KCNH7: variants seen among roughly 807,000 people sequenced by gnomAD.
KCNH7 encodes the protein potassium voltage-gated channel subfamily H member 7, also known as voltage-gated inwardly rectifying potassium channel KCNH7.
KCNH7 carries 49 observed loss-of-function variants against 120.8 expected under a neutral mutation model. The observed-to-expected ratio is 0.41, with a 90% CI of 0.32 to 0.51. The LOEUF is 0.51. KCNH7 is among the 20% of genes least tolerant of loss of function. KCNH7 has a pLI of 0.38. For missense variants in KCNH7, 1,097 were observed against 1,446.6 expected (o/e 0.76, Z 3.92); for synonymous variants, 547 against 516.1 (o/e 1.06, Z -0.81).
chr2:162,566,108 GA>G (rs1693241483), intron 2 of KCNH7, among the ~76,000 whole-genome samples: 1 of 151,906 alleles, frequency 6.6e-6, no homozygotes, highest in Non-Finnish European at 1.5e-5. Context: ...GTTTTCAAAA[GA>G]TATTCACCTA....
At chr2:162,741,591 C>A (rs1019013749) in intron 2 of KCNH7, among the ~76,000 whole-genome samples, 1 of 151,974 alleles carries the variant, frequency 6.6e-6, no homozygotes, top group Non-Finnish European at 1.5e-5. Flanking sequence ...TAGTCAACAG[C>A]CTGGTAATTG....
intron 2 of KCNH7, among the ~76,000 whole-genome samples, chr2:162,589,999 T>C (rs936900860): frequency 6.6e-6 from 1 of 151,954 alleles, no homozygotes; most frequent in African/African-American, 2.4e-5. Context: ...AAACCATGCA[T>C]GGTATATGGA....
At chr2:162,819,348 G>C (rs1239514535) in intron 2 of KCNH7, among the ~76,000 whole-genome samples, 2 of 151,980 alleles carry the variant, frequency 1.3e-5, no homozygotes, top group Non-Finnish European at 2.9e-5. Flanking sequence ...AATTCAAATG[G>C]CCCAGCAAAA....
intron 2 of KCNH7, among the ~76,000 whole-genome samples, chr2:162,636,654 C>T (rs1198952997): frequency 6.6e-6 from 1 of 152,046 alleles, no homozygotes; most frequent in African/African-American, 2.4e-5. Context: ...TTTTAATAAA[C>T]TGATCATATT....
chr2:162,493,075 G>A (rs1690376284), intron 6 of KCNH7, among the ~76,000 whole-genome samples: 1 of 151,906 alleles, frequency 6.6e-6, no homozygotes, highest in African/African-American at 2.4e-5. Flanking sequence ...GGAACCCCAG[G>A]AATTAAAAGC....
intron 2 of KCNH7, among the ~76,000 whole-genome samples, chr2:162,736,526 G>C (rs1458872458): frequency 6.6e-6 from 1 of 152,160 alleles, no homozygotes; most frequent in Non-Finnish European, 1.5e-5. Flanking sequence ...TATAGATTGA[G>C]GATGATGTTG....
At chr2:162,525,113 C>G (rs759360932) in intron 3 of KCNH7, among the ~76,000 whole-genome samples, 4 of 151,816 alleles carry the variant, frequency 2.6e-5, no homozygotes, top group Non-Finnish European at 5.9e-5. Flanking sequence ...AGGAGCAGAT[C>G]CGATCGGTAA....
intron 2 of KCNH7, among the ~76,000 whole-genome samples, chr2:162,731,457 T>C (rs1020059394): frequency 7.9e-5 from 12 of 151,900 alleles, no homozygotes; most frequent in South Asian, 4.1e-4. Flanking sequence ...GCAATCCTTG[T>C]ATATTCATTC....
chr2:162,650,344 G>A (rs1206482449), intron 2 of KCNH7, among the ~76,000 whole-genome samples: 2 of 152,136 alleles, frequency 1.3e-5, no homozygotes, highest in African/African-American at 4.8e-5. Context: ...AGATATGTAT[G>A]AGCCAAAAAC....
At chr2:162,682,425 G>C (rs1316244854) in intron 2 of KCNH7, among the ~76,000 whole-genome samples, 1 of 151,548 alleles carries the variant, frequency 6.6e-6, no homozygotes, top group Non-Finnish European at 1.5e-5. Context: ...GACAGAGAGA[G>C]AGAGAGAGAG....
intron 2 of KCNH7, among the ~76,000 whole-genome samples, chr2:162,699,555 T>A (rs1686415088): frequency 6.6e-6 from 1 of 152,202 alleles, no homozygotes; most frequent in African/African-American, 2.4e-5. Context: ...GGGTTGCATG[T>A]GCAGAATGTG....
At chr2:162,712,023 T>C (rs1035380654) in intron 2 of KCNH7, among the ~76,000 whole-genome samples, 2 of 152,182 alleles carry the variant, frequency 1.3e-5, no homozygotes, top group Admixed American at 6.6e-5. Flanking sequence ...TTGCATTTTC[T>C]CTTCAAAGCT....
chr2:162,718,802 T>C (rs1468369475), intron 2 of KCNH7, among the ~76,000 whole-genome samples: 1 of 152,070 alleles, frequency 6.6e-6, no homozygotes, highest in East Asian at 1.9e-4. Context: ...TAATTTCAAA[T>C]GTCTCTGATT....
chr2:162,676,676 A>G (rs969647798), intron 2 of KCNH7, among the ~76,000 whole-genome samples: 2 of 151,544 alleles, frequency 1.3e-5, no homozygotes, highest in Non-Finnish European at 3.0e-5. Context: ...AAAGAAATTC[A>G]AAACTAAATG....
chr2:162,518,865 A>G (rs1404186685), intron 3 of KCNH7, among the ~76,000 whole-genome samples: 1 of 147,914 alleles, frequency 6.8e-6, no homozygotes, highest in Non-Finnish European at 1.5e-5. Context: ...TGTTATGTAT[A>G]TCTCAGAGTG....
intron 2 of KCNH7, among the ~76,000 whole-genome samples, chr2:162,806,859 T>A (rs1304752453): frequency 1.3e-5 from 2 of 152,068 alleles, no homozygotes; most frequent in Non-Finnish European, 2.9e-5. Context: ...TAAAAAAAGA[T>A]AATTTGTAAC....
intron 2 of KCNH7, among the ~76,000 whole-genome samples, chr2:162,611,327 G>A (rs1682955737): frequency 6.6e-6 from 1 of 152,100 alleles, no homozygotes; most frequent in Non-Finnish European, 1.5e-5. Flanking sequence ...CAGGAATGAG[G>A]TGAACAAGAG....
chr2:162,760,058 G>A (rs756983726), intron 2 of KCNH7, among the ~76,000 whole-genome samples: 16 of 152,050 alleles, frequency 1.1e-4, no homozygotes, highest in African/African-American at 2.7e-4. Context: ...CCAAGTGTAC[G>A]GTCATGTGGC....
intron 6 of KCNH7, among the ~76,000 whole-genome samples, chr2:162,461,077 G>C (rs1689131419): frequency 6.6e-6 from 1 of 152,016 alleles, no homozygotes; most frequent in Non-Finnish European, 1.5e-5. Context: ...TTTTTTTCTA[G>C]AGCCTAAATG....
Sources: allele counts gnomAD v4.1 joint callset (sites outside exome capture counted in the v4.1 genomes callset), GRCh38; gene constraint gnomAD v4.1.1; transcripts MANE v1.5; gene names NCBI Gene and HGNC (gene_info 2026-07-23, HGNC 2026-07-21).